CLCN1: variants seen among roughly 807,000 people sequenced by gnomAD.
CLCN1 encodes the protein chloride channel protein 1.
In CLCN1, 100 loss-of-function variants were observed where a neutral mutation model predicts 114.5. The observed-to-expected ratio is 0.87, with a 90% confidence interval of 0.74 to 1.03. The LOEUF (loss-of-function observed/expected upper bound fraction) is 1.03. CLCN1 is among the 50% of genes least tolerant of loss of function. CLCN1 has a pLI of 0.00. For synonymous variants in CLCN1, 485 were observed against 487.1 expected (o/e 1.00, Z 0.06); for missense variants, 1,188 against 1,250.0 (o/e 0.95, Z 0.75).
rs754320081 is a variant in CLCN1, at chr7:143,321,869, G to A, written c.696+21G>A. 4.3e-6 allele frequency: 7 copies of A among 1,612,874 alleles called. No homozygotes were observed. Among genetic ancestry groups the A allele is most frequent in the Non-Finnish European group, 1.7e-6 (2 of 1,179,414 alleles). ...AAGAGGTAGGCCTGGCATGACTGAAGCCAGAGCTGGGAGGGGCCCTCAGGA... is the reference window on the plus strand; with the variant it reads ...AAGAGGTAGGCCTGGCATGACTGAAACCAGAGCTGGGAGGGGCCCTCAGGA... On this transcript the variant is annotated intron_variant, in intron 5 of 22. Transcript: ENST00000343257. The surrounding 1 kb of genome is among the most constrained non-coding windows in gnomAD (Gnocchi z 4.2).
chr7:143,346,524 C>T (rs1418217252), intron 18 of CLCN1, 55 bp from the exon 19 acceptor site: 1 of 1,409,890 alleles, frequency 7.1e-7, no homozygotes, highest in East Asian at 2.3e-5. Context: ...GGTGGGGCCC[C>T]TGGCCGTTTC....
intron 2 of CLCN1, 99 bp from the exon 3 acceptor site, chr7:143,320,565 C>A: frequency 2.1e-5 from 15 of 731,682 alleles, no homozygotes; most frequent in Middle Eastern, 4.3e-4. Flanking sequence ...CTCTCTCTCT[C>A]TCTCTCTCTC....
Position 143,320,806 on chromosome 7 carries a change from C to A in CLCN1, c.433+11C>A, listed in dbSNP as rs374520017. 7 of 1,613,806 alleles carry A rather than the reference C, an allele frequency of 4.3e-6. No homozygotes were observed. In the African/African-American group the frequency reaches 9.4e-5, roughly 22 times the overall value. On this transcript the variant is annotated intron_variant, in intron 3 of 22. Transcript: ENST00000343257. ...CCAAAAGCCTTCAGGGTAGGTTTAA[C>A]CTGGACCTTTGCCCACAGCCGTTTC...
In CLCN1 at chr7:143,326,003, G is replaced by GTTTTT. The variant is rs546357383; in HGVS notation, c.853+1515_853+1519dup. Among the ~76,000 whole-genome samples, 83 of 151,828 alleles carry GTTTTT rather than the reference G, an allele frequency of 5.5e-4. 1 individual carries two copies. The highest frequency in any genetic ancestry group is 1.9e-3 in the African/African-American group (77 of 41,394). ...AAGGTATTTGCAGGTGGCATTACTT[G>GTTTTT]TTTTTTTTGTTTGTTTGTTTGTTTG... On this transcript the variant is annotated intron_variant, in intron 7 of 22. Coordinates refer to ENST00000343257, the MANE Select transcript of CLCN1 (RefSeq NM_000083.3).
rs955748180 is a variant in CLCN1 at position 143,331,593 on chromosome 7, T to C, written c.1107T>C (p.His369=). Residue 369 remains histidine (H), a synonymous_variant, in exon 10 of 23, where the codon CAT becomes CAC. Coordinates refer to ENST00000343257, the MANE Select transcript of CLCN1 (RefSeq NM_000083.3). ...GLLGAVFVYL[H]RQVMLGVRKH... The stretch of plus-strand genomic sequence containing the variant: ...TGGGAGCTGTATTTGTGTATCTGCA[T>C]CGCCAAGTCATGCTCGGTGTCCGAA... The C allele has an allele frequency of 1.2e-6, 2 of 1,614,088 alleles. No homozygotes were observed. The highest frequency in any genetic ancestry group is 1.7e-6 in the Non-Finnish European group (2 of 1,180,032).
intron 7 of CLCN1, among the ~76,000 whole-genome samples, chr7:143,327,257 A>AAAGAAAGAAAAAG (rs1554435825): frequency 9.9e-4 from 148 of 149,778 alleles, no homozygotes; most frequent in Middle Eastern, 3.4e-3. Flanking sequence ...TAAAAAAAAA[A>AAAGAAAGAAAAAG]AAAAAGAAAA....
At position 143,316,202 on chromosome 7, in the gene CLCN1, G is replaced by T. The variant is rs200147892; in HGVS notation, c.-11G>T. Reference sequence around the variant, plus strand: ...AGGCCAAGGCCTGGCCGGGGCTCGGGGGGAGGGAATATGGAGCAATCCCGG... The same window carrying T: ...AGGCCAAGGCCTGGCCGGGGCTCGGTGGGAGGGAATATGGAGCAATCCCGG... On this transcript the variant is annotated 5_prime_UTR_variant, in exon 1 of 23. Transcript: ENST00000343257. 16 of 1,609,784 alleles carry T rather than the reference G, an allele frequency of 9.9e-6. No individual in the cohort carries two copies. The highest frequency in any genetic ancestry group is 2.7e-5 in the African/African-American group (2 of 74,888).
chr7:143,345,831 G>A (rs1053181200), intron 17 of CLCN1, 69 bp downstream of exon 17: 191 of 1,557,224 alleles, frequency 1.2e-4, no homozygotes, highest in Non-Finnish European at 1.6e-4. Context: ...CGTCTGGGCT[G>A]GGCTGGGCTG....
chr7:143,350,270 G>T lies in CLCN1; in HGVS notation c.2404-102G>T. 1.2e-6 allele frequency: 1 copy of T among 833,604 alleles called. No homozygotes were observed. Among genetic ancestry groups the T allele is most frequent in the Non-Finnish European group, 2.0e-6 (1 of 491,750 alleles). 51.6% of individuals were successfully genotyped at this position (833,604 alleles called of 1,614,324 possible). ...TATGATCAGTTCTTGCATGTTCCCA[G>T]ATTCTGGGCAGCGGCTAGGAGGGCC... On this transcript the variant is annotated intron_variant, in intron 20 of 22. Transcript: ENST00000343257. The surrounding 1 kb of genome is among the most constrained non-coding windows in gnomAD (Gnocchi z 5.1).
Position 143,345,742 on chromosome 7 carries a change from G to C in CLCN1, c.2152G>C (p.Asp718His). Residue 718 changes from aspartate to histidine, a missense_variant, in exon 17 of 23, where the codon GAC (aspartate) becomes CAC (histidine). Coordinates refer to ENST00000343257, the MANE Select transcript of CLCN1 (RefSeq NM_000083.3). ...CTTTGTGGATGAGGATGAGGACGAA[G>C]ACCTCTCTGGCAAGAGCGAGGTGAC... Reference protein sequence around the residue: ...FAFVDEDEDEDLSGKSELPPS... With the variant: ...FAFVDEDEDEHLSGKSELPPS... 1 of 1,599,898 alleles carries C rather than the reference G, an allele frequency of 6.3e-7. No individual in the cohort carries two copies. Among genetic ancestry groups the C allele is most frequent in the Non-Finnish European group, 8.5e-7 (1 of 1,174,034 alleles).
Position 143,339,734 on chromosome 7 carries a change from T to A in CLCN1, c.1582+113T>A, listed in dbSNP as rs1461211138. ...GCTACACAATACGGTTTTAATTTAG[T>A]GCTACTTAACTCAACTTTTACTCAG... On this transcript the variant is annotated intron_variant, in intron 14 of 22. Coordinates refer to ENST00000343257, the MANE Select transcript of CLCN1 (RefSeq NM_000083.3). The surrounding 1 kb of genome is among the most constrained non-coding windows in gnomAD (Gnocchi z 4.1). 1.3e-6 allele frequency: 1 copy of A among 760,874 alleles called. No individual in the cohort carries two copies. The highest frequency in any genetic ancestry group is 1.7e-5 in the African/African-American group (1 of 58,480). The allele number at this position is 760,874 out of a possible 1,614,324, so 47.1% of individuals were successfully genotyped here.
At chr7:143,327,260 A>AAG (rs2116846890) in intron 7 of CLCN1, among the ~76,000 whole-genome samples, 1 of 152,014 alleles carries the variant, frequency 6.6e-6, no homozygotes, top group East Asian at 1.9e-4. Flanking sequence ...AAAAAAAAAA[A>AAG]AAGAAAAGTT....
chr7:143,348,168 G>A (rs958320552), intron 20 of CLCN1, among the ~76,000 whole-genome samples: 4 of 152,132 alleles, frequency 2.6e-5, no homozygotes, highest in Non-Finnish European at 5.9e-5. Context: ...TGACAAGACA[G>A]AAGAGAAACC....
At chr7:143,341,301 G>A (rs1281153110) in intron 14 of CLCN1, among the ~76,000 whole-genome samples, 1 of 152,152 alleles carries the variant, frequency 6.6e-6, no homozygotes, top group African/African-American at 2.4e-5. Context: ...GCTCATGCCT[G>A]TGATCTCAGC....
At chr7:143,329,220 C>A (rs895019553) in intron 7 of CLCN1, among the ~76,000 whole-genome samples, 1 of 152,210 alleles carries the variant, frequency 6.6e-6, no homozygotes, top group Non-Finnish European at 1.5e-5. Flanking sequence ...CCTGCCTCGG[C>A]CTCCCAAAGT....
At chr7:143,323,425 TAGA>T (rs778205692) in intron 6 of CLCN1, 39 bp downstream of exon 6, 15 of 1,412,450 alleles carry the variant, frequency 1.1e-5, no homozygotes, top group African/African-American at 1.4e-5. Context: ...GGCCAGGTGG[TAGA>T]AGGAGTCCGG....
At position 143,321,302 on chromosome 7, in the gene CLCN1, C is replaced by T. The variant is rs1802424557; in HGVS notation, c.434-63C>T. The T allele has an allele frequency of 6.3e-7, 1 of 1,599,556 alleles. No homozygotes were observed. The highest frequency in any genetic ancestry group is 2.2e-5 in the East Asian group (1 of 44,572). ...CCTGAGAACATGCCGGGTACACGTC[C>T]TGGTGCCGTGGACACGGCTGCTCAG... On this transcript the variant is annotated intron_variant, in intron 3 of 22. Coordinates refer to ENST00000343257, the MANE Select transcript of CLCN1 (RefSeq NM_000083.3). This position sits in a 1 kb window ranked among gnomAD's most constrained non-coding sequence, Gnocchi z 4.2.
intron 12 of CLCN1, among the ~76,000 whole-genome samples, chr7:143,336,854 T>A (rs1239297803): frequency 6.6e-6 from 1 of 152,178 alleles, no homozygotes; most frequent in Admixed American, 6.5e-5. Flanking sequence ...TGGAGGATAA[T>A]CTAAAATACA....
chr7:143,341,995 C>T lies in CLCN1; in HGVS notation c.1649C>T (p.Thr550Met), dbSNP rs762754992. Reference protein sequence around the residue: ...VSTAVICFELTGQIAHILPMM... With the variant: ...VSTAVICFELMGQIAHILPMM... ...ACAGCTGTGATTTGCTTCGAATTAA[C>T]GGGTCAGATTGCTCACATCCTGCCC... The change falls in exon 15 of 23, where the codon ACG becomes ATG. Residue 550 changes from threonine to methionine, a missense_variant. Thr to Met is a moderately conservative substitution (Grantham distance 81, BLOSUM62 -1). Transcript: ENST00000343257. 13 of 1,614,162 alleles carry T rather than the reference C, an allele frequency of 8.1e-6. No individual in the cohort carries two copies. Among genetic ancestry groups the T allele is most frequent in the African/African-American group, 4.0e-5 (3 of 75,040 alleles).
Sources: gnomAD v4.1 joint callset for allele counts (sites outside exome capture counted in the v4.1 genomes callset) on GRCh38, gnomAD v4.1.1 for gene constraint, Gnocchi (gnomAD v3.1) non-coding constraint, MANE v1.5 for transcripts, NCBI Gene and HGNC (gene_info 2026-07-23, HGNC 2026-07-21) for gene names.